Variants in FLT1 observed in about 807,000 individuals in gnomAD.
The protein encoded by FLT1 is vascular endothelial growth factor receptor 1.
Under a neutral mutation model 156.3 loss-of-function variants are expected in FLT1, and 49 were observed. The observed-to-expected ratio is 0.31, with a 90% confidence interval of 0.25 to 0.40. The LOEUF is 0.40. FLT1 is among the 10% of genes least tolerant of loss of function. FLT1 has a pLI of 1.00. For missense variants in FLT1, 1,322 were observed against 1,637.2 expected (o/e 0.81, Z 3.32); for synonymous variants, 594 against 583.8 (o/e 1.02, Z -0.25).
intron 22 of FLT1, 71 bp from the exon 23 acceptor site, chr13:28,321,656 G>A (rs1285594727): frequency 1.8e-5 from 27 of 1,482,592 alleles, no homozygotes; most frequent in Middle Eastern, 3.4e-4. Context: ...ACCTGTCAGT[G>A]TCATTATCTT....
chr13:28,493,766 C>T (rs938726131), intron 1 of FLT1, among the ~76,000 whole-genome samples: 2 of 152,222 alleles, frequency 1.3e-5, no homozygotes, highest in Non-Finnish European at 2.9e-5. Context: ...GGCTTTGACC[C>T]CTCAATGGCG....
intron 1 of FLT1, among the ~76,000 whole-genome samples, chr13:28,484,432 G>C (rs1020727672): frequency 1.3e-5 from 2 of 152,206 alleles, no homozygotes; most frequent in East Asian, 3.9e-4. Flanking sequence ...ATATCTAGGA[G>C]AGCAGTTTGG....
intron 10 of FLT1, among the ~76,000 whole-genome samples, chr13:28,417,657 C>T (rs1876734450): frequency 7.6e-6 from 1 of 131,176 alleles, no homozygotes; most frequent in Admixed American, 9.1e-5. Context: ...AAATCTTTAA[C>T]ATTCCTTAAT....
chr13:28,369,399 C>T (rs1411787709), intron 14 of FLT1, among the ~76,000 whole-genome samples: 1 of 152,078 alleles, frequency 6.6e-6, no homozygotes, highest in African/African-American at 2.4e-5. Context: ...GTGGTGGGCA[C>T]CTGTAATCCC....
At chr13:28,475,502 G>A (rs670556) in intron 1 of FLT1, among the ~76,000 whole-genome samples, 151,573 of 152,310 alleles carry the variant, frequency 1, 75,422 homozygotes, top group East Asian at 1. Context: ...GGTTAATTAA[G>A]CATAATTCAC....
In FLT1 at chr13:28,431,230, A is replaced by C; in HGVS notation, c.894T>G (p.Ile298Met). Residue 298 changes from isoleucine to methionine, a missense_variant, in exon 7 of 30, where the codon ATT (isoleucine) becomes ATG (methionine). Physicochemically the swap from Ile to Met is conservative, Grantham distance 10. Transcript: ENST00000282397. ...HANIFYSVLT[I>M]DKMQNKDKGL... is the part of the protein sequence containing the mutation. ...CTTTGTCTTTGTTCTGCATTTTGTC[A>C]ATAGTAAGAACACTGTAGAATATGT... 6.2e-7 allele frequency: 1 copy of C among 1,613,676 alleles called. No individual in the cohort carries two copies. Among genetic ancestry groups the C allele is most frequent in the Non-Finnish European group, 8.5e-7 (1 of 1,179,554 alleles).
At chr13:28,333,164 C>T (rs1291559768) in intron 18 of FLT1, among the ~76,000 whole-genome samples, 3 of 152,176 alleles carry the variant, frequency 2.0e-5, no homozygotes, top group Non-Finnish European at 2.9e-5. Context: ...AGCAAACAAC[C>T]CTTTCTCCTG....
chr13:28,448,717 G>C (rs1268402864), intron 3 of FLT1, among the ~76,000 whole-genome samples: 1 of 152,126 alleles, frequency 6.6e-6, no homozygotes, highest in African/African-American at 2.4e-5. Context: ...ACAAACCACT[G>C]AATCATCATT....
chr13:28,421,624 C>T (rs951918401), intron 10 of FLT1, among the ~76,000 whole-genome samples: 2 of 152,074 alleles, frequency 1.3e-5, no homozygotes, highest in African/African-American at 4.8e-5. Flanking sequence ...TAAGACTTTT[C>T]TGACAGCCAT....
chr13:28,304,670 C>T (rs191431103), intron 29 of FLT1, among the ~76,000 whole-genome samples: 34 of 152,280 alleles, frequency 2.2e-4, no homozygotes, highest in African/African-American at 7.9e-4. Flanking sequence ...AAAACGCACA[C>T]CTGTTAGCAG....
intron 1 of FLT1, among the ~76,000 whole-genome samples, chr13:28,481,861 T>G (rs1244593049): frequency 6.6e-6 from 1 of 152,246 alleles, no homozygotes; most frequent in Non-Finnish European, 1.5e-5. Flanking sequence ...GTGATTTATC[T>G]TAGTAAAACT....
At chr13:28,305,648 A>G (rs1247944247) in intron 29 of FLT1, among the ~76,000 whole-genome samples, 2 of 152,216 alleles carry the variant, frequency 1.3e-5, no homozygotes, top group Non-Finnish European at 2.9e-5. Context: ...TGTATTGTCT[A>G]CGGTTGCTTT....
At position 28,322,076 on chromosome 13, in the gene FLT1, T is replaced by C. The variant is rs1442232015; in HGVS notation, c.3051+186A>G. Among the ~76,000 whole-genome samples, 1 of 152,234 alleles carries C rather than the reference T, an allele frequency of 6.6e-6. No homozygotes were observed. Among genetic ancestry groups the C allele is most frequent in the Non-Finnish European group, 1.5e-5 (1 of 68,034 alleles). On this transcript the variant is annotated intron_variant, in intron 22 of 29. Coordinates refer to ENST00000282397, the MANE Select transcript of FLT1 (RefSeq NM_002019.4). This position sits in a 1 kb window ranked among gnomAD's most constrained non-coding sequence, Gnocchi z 4.3. ...GAGTTTTCCCCAGAATTAAGTTCTA[T>C]CCACTGGTATCCATGACTCCTCATT...
Position 28,495,101 on chromosome 13 carries a change from G to A in FLT1, c.-258C>T. The A allele has an allele frequency of 2.2e-6, 1 of 448,968 alleles. No individual in the cohort carries two copies. The highest frequency in any genetic ancestry group is 3.9e-6 in the Non-Finnish European group (1 of 257,368). The allele number at this position is 448,968 out of a possible 1,614,324, so 27.8% of individuals were successfully genotyped here. A position where few individuals can be genotyped will look rare whatever the true frequency, so the allele number is the denominator to read the frequency against. ...GAGCCGAGAGGAGTGTCCGCCTGGC[G>A]CGCTCCGAGCCTCCCGCGGACCTCG... is the stretch of plus-strand genomic sequence containing the variant. On this transcript the variant is annotated 5_prime_UTR_variant, in exon 1 of 30. Coordinates refer to ENST00000282397, the MANE Select transcript of FLT1 (RefSeq NM_002019.4). The surrounding 1 kb of genome is among the most constrained non-coding windows in gnomAD (Gnocchi z 4.1).
intron 3 of FLT1, among the ~76,000 whole-genome samples, chr13:28,441,246 CCAGGTGCTGG>C (rs568780545): frequency 1.3e-5 from 2 of 152,148 alleles, no homozygotes; most frequent in Non-Finnish European, 2.9e-5. Flanking sequence ...GTGGCTCCTC[CCAGGTGCTGG>C]CAGGCCACTG....
chr13:28,427,135 AG>A (rs750942529), intron 10 of FLT1, 23 bp downstream of exon 10: 1 of 1,608,526 alleles, frequency 6.2e-7, no homozygotes, highest in Non-Finnish European at 8.5e-7. Context: ...TTTGAAAGTT[AG>A]TAAAAAAACT....
At chr13:28,307,182 A>G (rs898568898) in intron 28 of FLT1, among the ~76,000 whole-genome samples, 1 of 152,170 alleles carries the variant, frequency 6.6e-6, no homozygotes, top group African/African-American at 2.4e-5. Context: ...TAAAGACATC[A>G]TTCGATTTTT....
At chr13:28,381,909 T>C (rs939472067) in intron 14 of FLT1, among the ~76,000 whole-genome samples, 8 of 152,226 alleles carry the variant, frequency 5.3e-5, no homozygotes, top group African/African-American at 1.7e-4. Flanking sequence ...AAACCATTTA[T>C]TCATTCATTC....
intron 4 of FLT1, among the ~76,000 whole-genome samples, chr13:28,436,546 G>A (rs1722089430): frequency 6.6e-6 from 1 of 152,096 alleles, no homozygotes; most frequent in Non-Finnish European, 1.5e-5. Context: ...TTTTATATGG[G>A]AATTTTGGAA....
Sources: allele counts gnomAD v4.1 joint callset (sites outside exome capture counted in the v4.1 genomes callset), GRCh38; gene constraint gnomAD v4.1.1; non-coding constraint Gnocchi (gnomAD v3.1); transcripts MANE v1.5; gene names NCBI Gene and HGNC (gene_info 2026-07-23, HGNC 2026-07-21).